The following SPATA33 variants were observed in gnomAD, a reference collection of about 807,000 sequenced individuals.
SPATA33 encodes the protein spermatogenesis-associated protein 33.
A neutral mutation model predicts 8.9 loss-of-function variants in SPATA33; 10 were observed. The ratio of observed to expected loss-of-function variants is 1.12; its 90% CI spans 0.69 to 1.90. The LOEUF (loss-of-function observed/expected upper bound fraction) is 1.90. Among genes scored for constraint, SPATA33 ranks in the 40% most tolerant of loss-of-function variants. The probability of loss-of-function intolerance (pLI) is 0.00; values close to 1 mark genes in which losing one functional copy is unlikely to be tolerated. For synonymous variants in SPATA33, 96 were observed against 72.8 expected, an observed-to-expected ratio of 1.32 and a Z score of -1.63; for missense variants, 241 against 178.3, an observed-to-expected ratio of 1.35 and a Z score of -2.00.
intron 2 of SPATA33, among the ~76,000 whole-genome samples, chr16:89,662,837 A>G (rs1034851894): frequency 6.6e-6 from 1 of 152,134 alleles, no homozygotes; most frequent in Admixed American, 6.5e-5. Context: ...TCTGTTGCCC[A>G]GGCTGGAGTG....
chr16:89,661,459 C>G (rs763715554), intron 2 of SPATA33: 1 of 153,102 alleles, frequency 6.5e-6, no homozygotes. Flanking sequence ...TGAGGCGTCC[C>G]CAGCCATGTG....
At chr16:89,658,063 G>A (rs980683078) in intron 1 of SPATA33, 115 bp downstream of exon 1, 16 of 1,462,408 alleles carry the variant, frequency 1.1e-5, no homozygotes, top group Non-Finnish European at 1.3e-5. Context: ...GGCCCGGTGC[G>A]AACCGTTCCT....
intron 2 of SPATA33, among the ~76,000 whole-genome samples, chr16:89,662,624 G>A (rs1037351908): frequency 7.9e-5 from 12 of 151,780 alleles, no homozygotes; most frequent in African/African-American, 2.4e-4. Flanking sequence ...ATGAGGTTTC[G>A]CCACGTTGGC....
In SPATA33 at chr16:89,669,401, G is replaced by T. The variant is rs771760058; in HGVS notation, c.327G>T (p.Gln109His). ...GTTGCAGTTCCAGCGGGAGTGACCA[G>T]CAGAGAACCATTCGGGAGCCGGAGG... ...LVSCSSSGSDQQRTIREPEDW... is the reference protein window; with the variant it reads ...LVSCSSSGSDHQRTIREPEDW... Residue 109 changes from glutamine (Q) to histidine (H), a missense_variant, in exon 3 of 3, where the codon CAG becomes CAT. By Grantham distance (24) the Gln-to-His change is conservative. Coordinates refer to ENST00000579310, the MANE Select transcript of SPATA33 (RefSeq NM_001271907.2). The T allele has an allele frequency of 3.1e-6, 5 of 1,614,086 alleles. No individual in the cohort carries two copies. Among genetic ancestry groups the T allele is most frequent in the Non-Finnish European group, 4.2e-6 (5 of 1,180,046 alleles).
At chr16:89,660,878 C>G (rs117185371) in intron 2 of SPATA33, 7 of 1,097,952 alleles carry the variant, frequency 6.4e-6, no homozygotes, top group Non-Finnish European at 7.7e-6. Flanking sequence ...AGCAAACAAG[C>G]CTTTAGTGAT....
At chr16:89,660,896 T>G (rs1052697300) in intron 2 of SPATA33, 40 of 1,063,380 alleles carry the variant, frequency 3.8e-5, no homozygotes, top group Admixed American at 5.4e-5. Context: ...GATTCCAGGC[T>G]CTGGCTGGAA....
rs894938244 is a variant in SPATA33, at chr16:89,658,163, A to T, written c.38-85A>T. ...GAGACTTGAAGCCAGCTTATTCTGG[A>T]CCCACGCAGGCGACTGAAGACGATG... On this transcript the variant is annotated intron_variant, in intron 1 of 2. Transcript: ENST00000579310. 3.2e-6 allele frequency: 5 copies of T among 1,582,254 alleles called. No individual in the cohort carries two copies. In the African/African-American group the frequency reaches 4.1e-5, roughly 13 times the overall value.
intron 1 of SPATA33, 21 bp from the exon 2 acceptor site, chr16:89,658,227 C>G (rs577613930): frequency 1.9e-6 from 3 of 1,613,578 alleles, no homozygotes; most frequent in East Asian, 2.2e-5. Flanking sequence ...CCGGGTCTAA[C>G]GGATGATCCA....
rs577723176 is a variant in SPATA33 at position 89,658,487 on chromosome 16, A to T, written c.211+66A>T. On this transcript the variant is annotated intron_variant, in intron 2 of 2. Coordinates refer to ENST00000579310, the MANE Select transcript of SPATA33 (RefSeq NM_001271907.2). Reference sequence around the variant, plus strand: ...TGGAGGATCTGGGGCTGGGGTGAGGAGCCTACTGTAAGACCCTACCGGATG... The same window carrying T: ...TGGAGGATCTGGGGCTGGGGTGAGGTGCCTACTGTAAGACCCTACCGGATG... 2.3e-4 allele frequency: 359 copies of T among 1,536,250 alleles called. No individual in the cohort carries two copies. The African/African-American group carries it at 4.6e-3, about 20-fold the overall frequency.
intron 2 of SPATA33, among the ~76,000 whole-genome samples, chr16:89,664,677 G>T (rs1315546701): frequency 6.6e-6 from 1 of 151,938 alleles, no homozygotes; most frequent in Non-Finnish European, 1.5e-5. Context: ...GGCCCGACCT[G>T]ATCAGGGAAG....
chr16:89,666,425 G>A (rs953453212), intron 2 of SPATA33, among the ~76,000 whole-genome samples: 1 of 152,112 alleles, frequency 6.6e-6, no homozygotes, highest in Non-Finnish European at 1.5e-5. Flanking sequence ...CGCTTTGGGA[G>A]GGTGAAGTGG....
In SPATA33 at chr16:89,657,892, A is replaced by C. The variant is rs372295056; in HGVS notation, c.-20A>C. ...GTGTGGGGACCCGGGCTTGCGTCGG[A>C]GGGGGCGGTGGGCTCACCCATGGGC... On this transcript the variant is annotated 5_prime_UTR_variant, in exon 1 of 3. Transcript: ENST00000579310. The C allele has an allele frequency of 3.8e-5, 57 of 1,515,580 alleles. No individual in the cohort carries two copies. In the East Asian group the frequency reaches 5.5e-4, roughly 15 times the overall value. The allele number at this position is 1,515,580 out of a possible 1,614,324, so 93.9% of individuals were successfully genotyped here.
At chr16:89,663,763 T>TA (rs2059991610) in intron 2 of SPATA33, among the ~76,000 whole-genome samples, 1 of 152,084 alleles carries the variant, frequency 6.6e-6, no homozygotes, top group Non-Finnish European at 1.5e-5. Context: ...TAGCTGTACA[T>TA]ACACTCATAG....
chr16:89,669,069 A>G (rs2060063541), intron 2 of SPATA33, among the ~76,000 whole-genome samples: 1 of 152,182 alleles, frequency 6.6e-6, no homozygotes. Context: ...TTCTTCCCTG[A>G]AAAAGGGTGT....
At chr16:89,668,260 C>G (rs2060052401) in intron 2 of SPATA33, among the ~76,000 whole-genome samples, 2 of 151,880 alleles carry the variant, frequency 1.3e-5, no homozygotes, top group Non-Finnish European at 2.9e-5. Context: ...TGCAGTGAGC[C>G]GAGATCACAC....
Position 89,658,878 on chromosome 16 carries a change from A to G in SPATA33, c.211+457A>G, listed in dbSNP as rs2059925026. The G allele has an allele frequency of 1.7e-5, 3 of 176,302 alleles. No homozygotes were observed. In the South Asian group the frequency reaches 3.6e-4, roughly 21 times the overall value. The allele number at this position is 176,302 out of a possible 1,614,324, so 10.9% of individuals were successfully genotyped here. On this transcript the variant is annotated intron_variant, in intron 2 of 2. Coordinates refer to ENST00000579310, the MANE Select transcript of SPATA33 (RefSeq NM_001271907.2). Reference sequence around the variant, plus strand: ...CCTGGGTGCGACAAAGGTGTCTTTTATAACAGCCTAGTGTGGCCAGACCTT... The same window carrying G: ...CCTGGGTGCGACAAAGGTGTCTTTTGTAACAGCCTAGTGTGGCCAGACCTT...
chr16:89,668,643 C>T (rs2060058074), intron 2 of SPATA33, among the ~76,000 whole-genome samples: 1 of 151,530 alleles, frequency 6.6e-6, no homozygotes, highest in Non-Finnish European at 1.5e-5. Context: ...TGTGTCTGAG[C>T]TCGTAGCAGT....
chr16:89,669,207 G>T, intron 2 of SPATA33, 79 bp from the exon 3 acceptor site: 1 of 1,345,006 alleles, frequency 7.4e-7, no homozygotes. Flanking sequence ...CCTTTACTCT[G>T]ACCAATGGCA....
Position 89,660,204 on chromosome 16 carries a change from C to T in SPATA33, c.211+1783C>T, listed in dbSNP as rs571025827. 26 of 250,592 alleles carry T rather than the reference C, an allele frequency of 1.0e-4. 1 individual carries two copies. In the South Asian group the frequency reaches 2.4e-3, roughly 23 times the overall value. The allele number at this position is 250,592 out of a possible 1,614,324, so 15.5% of individuals were successfully genotyped here. On this transcript the variant is annotated intron_variant, in intron 2 of 2. Coordinates refer to ENST00000579310, the MANE Select transcript of SPATA33 (RefSeq NM_001271907.2). ...CCCGATGAGTGTACAGCCCCCCACA[C>T]GCAGGCAGGACTGCATCTACTGCAA...
Sources: gnomAD v4.1 joint callset for allele counts (sites outside exome capture counted in the v4.1 genomes callset) on GRCh38, gnomAD v4.1.1 for gene constraint, MANE v1.5 for transcripts, NCBI Gene and HGNC (gene_info 2026-07-23, HGNC 2026-07-21) for gene names.